The following XKRX variants were observed in gnomAD, a reference collection of about 807,000 sequenced individuals.
The protein encoded by XKRX is XK related X-linked.
XKRX carries 11 observed loss-of-function variants against 22.4 expected under a neutral mutation model. The ratio of observed to expected loss-of-function variants is 0.49; its 90% CI spans 0.31 to 0.81. The LOEUF (loss-of-function observed/expected upper bound fraction) is 0.81. Ranked by LOEUF, XKRX falls within the 40% of genes least tolerant of loss-of-function variation. XKRX has a pLI of 0.05. For synonymous variants in XKRX, 114 were observed against 132.2 expected (o/e 0.86, Z 0.94); for missense variants, 320 against 336.5 (o/e 0.95, Z 0.38).
intron 2 of XKRX, among the ~76,000 whole-genome samples, chrX:100,916,822 T>A (rs896791142): frequency 8.9e-6 from 1 of 112,130 alleles, no homozygotes; most frequent in African/African-American, 3.2e-5. Context: ...GAGAGGTGCA[T>A]AAAATACCTA....
the XKRX span, among the ~76,000 whole-genome samples, chrX:100,937,713 C>T: frequency 8.9e-6 from 1 of 112,170 alleles, no homozygotes; most frequent in African/African-American, 3.2e-5. Flanking sequence ...CTGTCCCTGA[C>T]ACCAAGGCTC....
the XKRX span, among the ~76,000 whole-genome samples, chrX:100,889,499 G>A: frequency 1.8e-5 from 2 of 110,414 alleles, no homozygotes; most frequent in Non-Finnish European, 3.8e-5. Flanking sequence ...AGCCTTGCGA[G>A]TAGCCATGAT....
intron 1 of XKRX, among the ~76,000 whole-genome samples, chrX:100,925,632 C>A (rs1277482916): frequency 9.0e-6 from 1 of 111,616 alleles, no homozygotes; most frequent in Non-Finnish European, 1.9e-5. Context: ...TGAGAGTTTT[C>A]GATTGGTTAA....
Position 100,914,508 on chromosome X carries a change from A to C in XKRX, c.1180T>G (p.Ser394Ala). The change falls in exon 3 of 3, where the codon TCC becomes GCC. Residue 394 changes from serine to alanine, a missense_variant. Transcript: ENST00000372956. ...AAGAAAAGGAGCATGAAGCCAATGG[A>C]AATCAGATAAGCAATAATGAGCTGC... The part of the protein sequence containing the change: ...ALQLIIAYLI[S>A]IGFMLLFFQY... 8.3e-7 allele frequency: 1 copy of C among 1,211,983 alleles called. No individual in the cohort carries two copies. Among genetic ancestry groups the C allele is most frequent in the Non-Finnish European group, 1.1e-6 (1 of 895,548 alleles).
chrX:100,956,664 C>G, the XKRX span: 1 of 548,166 alleles, frequency 1.8e-6, no homozygotes, highest in East Asian at 3.4e-5. Context: ...TGACCCTCTT[C>G]CGCCCTTTTG....
chrX:100,887,396 G>A, the XKRX span, among the ~76,000 whole-genome samples: 1 of 112,253 alleles, frequency 8.9e-6, no homozygotes, highest in African/African-American at 3.2e-5. Context: ...AAAACCCTTT[G>A]TTGAAATGCT....
upstream of XKRX, among the ~76,000 whole-genome samples, chrX:100,929,657 T>TA (rs1243403533): frequency 2.7e-5 from 3 of 111,323 alleles, no homozygotes; most frequent in Non-Finnish European, 5.7e-5. Context: ...TAGAACAGGA[T>TA]AAAGGTCAAG....
chrX:100,927,653 T>G (rs1159624088), intron 1 of XKRX, among the ~76,000 whole-genome samples: 1 of 111,155 alleles, frequency 9.0e-6, no homozygotes, highest in East Asian at 2.8e-4. Flanking sequence ...AAAAAAAATT[T>G]TTTAAATAAA....
intron 2 of XKRX, among the ~76,000 whole-genome samples, chrX:100,917,730 T>A (rs2147939631): frequency 1.7e-5 from 1 of 59,374 alleles, no homozygotes; most frequent in African/African-American, 6.0e-5. Context: ...AAGAAATCCT[T>A]GGTTCAGCTG....
the XKRX span, among the ~76,000 whole-genome samples, chrX:100,941,962 C>T: frequency 9.1e-6 from 1 of 110,185 alleles, no homozygotes; most frequent in Non-Finnish European, 1.9e-5. Context: ...ATTCTCCTGC[C>T]TCAGCCTCCC....
chrX:100,909,975 G>A (rs1169488805), downstream of XKRX, among the ~76,000 whole-genome samples: 4 of 104,456 alleles, frequency 3.8e-5, no homozygotes, highest in African/African-American at 1.4e-4. Context: ...TATAGTAGGT[G>A]CTCATAAATA....
the XKRX span, among the ~76,000 whole-genome samples, chrX:100,896,148 C>T: frequency 1.8e-4 from 20 of 111,566 alleles, no homozygotes; most frequent in Non-Finnish European, 3.4e-4. Flanking sequence ...GACCTGGATT[C>T]CCTCACACAT....
At chrX:100,911,601 G>A (rs1447610013), downstream of XKRX, 3 of 451,362 alleles carry the variant, frequency 6.6e-6, no homozygotes, top group African/African-American at 7.4e-5. Flanking sequence ...CAATCATCAA[G>A]AGATTTATTA....
the XKRX span, among the ~76,000 whole-genome samples, chrX:100,908,032 T>C: frequency 3.6e-5 from 4 of 111,493 alleles, no homozygotes; most frequent in Non-Finnish European, 7.5e-5. Context: ...CAATGATGCA[T>C]TGGTAACAGA....
At chrX:100,900,623 G>A in the XKRX span, among the ~76,000 whole-genome samples, 10 of 108,444 alleles carry the variant, frequency 9.2e-5, no homozygotes, top group Admixed American at 3.0e-4. Flanking sequence ...GCAAGATACC[G>A]AGACCTCGCT....
intron 1 of XKRX, among the ~76,000 whole-genome samples, chrX:100,924,396 T>C (rs1475991120): frequency 2.7e-5 from 3 of 111,533 alleles, no homozygotes; most frequent in African/African-American, 9.8e-5. Context: ...GATTCTTTCT[T>C]TACGAAGAGA....
chrX:100,954,572 C>A, the XKRX span, among the ~76,000 whole-genome samples: 1 of 111,555 alleles, frequency 9.0e-6, no homozygotes, highest in Non-Finnish European at 1.9e-5. Flanking sequence ...AGGTATATAA[C>A]AAAGAGAAAT....
the XKRX span, among the ~76,000 whole-genome samples, chrX:100,898,596 AC>A: frequency 9.1e-5 from 8 of 88,016 alleles, no homozygotes; most frequent in African/African-American, 3.2e-4. Context: ...AACAACAACA[AC>A]AAAAAAAAAA....
chrX:100,902,958 C>T, the XKRX span, among the ~76,000 whole-genome samples: 1 of 108,781 alleles, frequency 9.2e-6, no homozygotes, highest in Non-Finnish European at 1.9e-5. Context: ...ACTGTGTTAG[C>T]CAGGATGGTC....
Sources: gnomAD v4.1 joint callset for allele counts (sites outside exome capture counted in the v4.1 genomes callset) on GRCh38, gnomAD v4.1.1 for gene constraint, MANE v1.5 for transcripts, NCBI Gene and HGNC (gene_info 2026-07-23, HGNC 2026-07-21) for gene names.